HUNK: variants seen among roughly 807,000 people sequenced by gnomAD.
HUNK encodes hormonally up-regulated Neu-associated kinase, also known as hormonally up-regulated neu tumor-associated kinase.
In HUNK, 21 loss-of-function variants were observed where a neutral mutation model predicts 61.0. The observed-to-expected ratio is 0.34, with a 90% CI of 0.24 to 0.50. The LOEUF is 0.50. Ranked by LOEUF, HUNK falls within the 20% of genes least tolerant of loss-of-function variation. HUNK has a pLI of 0.98. For missense variants in HUNK, 772 were observed against 945.7 expected (o/e 0.82, Z 2.41); for synonymous variants, 371 against 386.1 (o/e 0.96, Z 0.46).
intron 1 of HUNK, among the ~76,000 whole-genome samples, chr21:31,880,253 G>A (rs964921968): frequency 4.6e-5 from 7 of 152,182 alleles, no homozygotes; most frequent in Non-Finnish European, 1.0e-4. Flanking sequence ...CCTTGATTAC[G>A]TAGAAGGGTG....
intron 5 of HUNK, among the ~76,000 whole-genome samples, chr21:31,964,921 A>C (rs571585563): frequency 6.6e-5 from 10 of 152,282 alleles, no homozygotes; most frequent in African/African-American, 1.7e-4. Context: ...CTTTTGAGGC[A>C]ACCCTGGGTT....
chr21:31,975,367 T>C (rs2053041435), intron 7 of HUNK, among the ~76,000 whole-genome samples: 1 of 152,242 alleles, frequency 6.6e-6, no homozygotes, highest in African/African-American at 2.4e-5. Context: ...AGAGAATTTA[T>C]GTGCCTTAAA....
intron 7 of HUNK, among the ~76,000 whole-genome samples, chr21:31,974,986 T>C (rs1002631170): frequency 6.6e-6 from 1 of 151,628 alleles, no homozygotes; most frequent in African/African-American, 2.4e-5. Flanking sequence ...TTCAACAGCA[T>C]CTCTGTTGTC....
Position 31,913,219 on chromosome 21 carries a change from C to A in HUNK, c.262-11249C>A, listed in dbSNP as rs188971376. On this transcript the variant is annotated intron_variant, in intron 1 of 10. Coordinates refer to ENST00000270112, the MANE Select transcript of HUNK (RefSeq NM_014586.2). Reference sequence around the variant, plus strand: ...CTGGAGAGGCCCGGAGTGACCCCAGCCAGTCTGGATGGGGAAGCAAACTGT... The same window carrying A: ...CTGGAGAGGCCCGGAGTGACCCCAGACAGTCTGGATGGGGAAGCAAACTGT... Among the ~76,000 whole-genome samples, 626 of 152,136 alleles carry A rather than the reference C, an allele frequency of 4.1e-3. 1 individual carries two copies. Among genetic ancestry groups the A allele is most frequent in the African/African-American group, 0.014 (580 of 41,494 alleles).
chr21:31,924,655 A>G lies in HUNK; in HGVS notation c.449A>G (p.His150Arg), dbSNP rs1210288324. ...CTGTGCCCTGGGGGCAACCTGATGCACAAGATCTATGAGAAGAAGCGGCTG... is the reference window on the plus strand; with the variant it reads ...CTGTGCCCTGGGGGCAACCTGATGCGCAAGATCTATGAGAAGAAGCGGCTG... ...MELCPGGNLMHKIYEKKRLEE... is the reference protein window; with the variant it reads ...MELCPGGNLMRKIYEKKRLEE... The change falls in exon 2 of 11, where the codon CAC (histidine) becomes CGC (arginine). Residue 150 changes from histidine (H) to arginine (R), a missense_variant. His to Arg is a conservative substitution (Grantham distance 29). Coordinates refer to ENST00000270112, the MANE Select transcript of HUNK (RefSeq NM_014586.2). The surrounding 1 kb of genome is among the most constrained non-coding windows in gnomAD (Gnocchi z 5.1). 1.2e-6 allele frequency: 2 copies of G among 1,614,188 alleles called. No individual in the cohort carries two copies. The highest frequency in any genetic ancestry group is 1.7e-5 in the Admixed American group (1 of 60,016).
rs545153130 is a variant in HUNK at position 31,972,581 on chromosome 21, G to A, written c.1011-1974G>A. On this transcript the variant is annotated intron_variant, in intron 6 of 10. Coordinates refer to ENST00000270112, the MANE Select transcript of HUNK (RefSeq NM_014586.2). Reference sequence around the variant, plus strand: ...TTCTTCCAGAACACCCCATACCCTCGGCGGGTGCACTGCTCTTGGGATTCC... The same window carrying A: ...TTCTTCCAGAACACCCCATACCCTCAGCGGGTGCACTGCTCTTGGGATTCC... 3.3e-5 allele frequency among the ~76,000 whole-genome samples: 5 copies of A among 152,200 alleles called. No individual in the cohort carries two copies. The South Asian group carries it at 6.2e-4, about 19-fold the overall frequency.
intron 6 of HUNK, among the ~76,000 whole-genome samples, chr21:31,968,761 A>T (rs1175127567): frequency 5.6e-5 from 8 of 143,060 alleles, no homozygotes; most frequent in African/African-American, 2.1e-4. Context: ...TGTGAGAGAG[A>T]GAGAGTGAGT....
intron 3 of HUNK, among the ~76,000 whole-genome samples, chr21:31,943,948 T>G (rs2052785400): frequency 6.6e-6 from 1 of 152,258 alleles, no homozygotes. Context: ...TGTGTTTATT[T>G]GATGGTGCTG....
At chr21:31,989,729 A>AAAT (rs1348041643) in intron 8 of HUNK, among the ~76,000 whole-genome samples, 3 of 151,336 alleles carry the variant, frequency 2.0e-5, no homozygotes. Context: ...AAAAAAAAAA[A>AAAT]AAAAGCCTGG....
intron 6 of HUNK, among the ~76,000 whole-genome samples, chr21:31,970,028 G>A (rs939687612): frequency 3.9e-5 from 6 of 152,140 alleles, no homozygotes; most frequent in Non-Finnish European, 7.4e-5. Context: ...TTCAGACCTA[G>A]GGTGGCTTGC....
chr21:31,918,552 T>C (rs2052600996), intron 1 of HUNK, among the ~76,000 whole-genome samples: 1 of 152,196 alleles, frequency 6.6e-6, no homozygotes, highest in African/African-American at 2.4e-5. Flanking sequence ...GGGCCACGCT[T>C]CCTCCAGAGA....
intron 7 of HUNK, among the ~76,000 whole-genome samples, chr21:31,981,937 C>G (rs1429507229): frequency 2.0e-5 from 3 of 151,676 alleles, no homozygotes; most frequent in African/African-American, 7.3e-5. Context: ...TTCTGGGGTA[C>G]ATGTTTAGGA....
intron 1 of HUNK, among the ~76,000 whole-genome samples, chr21:31,880,338 T>C (rs1568914807): frequency 6.6e-6 from 1 of 152,232 alleles, no homozygotes; most frequent in Non-Finnish European, 1.5e-5. Context: ...ACACACTGTG[T>C]GGCTTCAACA....
At position 31,927,900 on chromosome 21, in the gene HUNK, G is replaced by A. The variant is rs536522298; in HGVS notation, c.554+3140G>A. On this transcript the variant is annotated intron_variant, in intron 2 of 10. Coordinates refer to ENST00000270112, the MANE Select transcript of HUNK (RefSeq NM_014586.2). Reference sequence around the variant, plus strand: ...AAGGTGAGAGCACCTCTTCACATACGTATTCTTAGTCATGCATGTTGTCAT... The same window carrying A: ...AAGGTGAGAGCACCTCTTCACATACATATTCTTAGTCATGCATGTTGTCAT... Among the ~76,000 whole-genome samples the A allele has an allele frequency of 1.8e-4, 27 of 152,232 alleles. No homozygotes were observed. The East Asian group carries it at 2.5e-3, about 14-fold the overall frequency.
At chr21:31,962,662 G>A (rs546486300) in intron 5 of HUNK, among the ~76,000 whole-genome samples, 3 of 152,364 alleles carry the variant, frequency 2.0e-5, no homozygotes, top group Admixed American at 1.3e-4. Flanking sequence ...GTCTTCACTT[G>A]TCAAGCATGA....
chr21:31,904,895 C>T (rs1429315869), intron 1 of HUNK, among the ~76,000 whole-genome samples: 1 of 151,978 alleles, frequency 6.6e-6, no homozygotes, highest in Non-Finnish European at 1.5e-5. Flanking sequence ...AGTTTGAGAC[C>T]AGCCTGGCCT....
intron 4 of HUNK, among the ~76,000 whole-genome samples, chr21:31,947,853 C>T (rs959600104): frequency 6.6e-6 from 1 of 152,136 alleles, no homozygotes; most frequent in Non-Finnish European, 1.5e-5. Context: ...AAGATATAGA[C>T]GAGAAAGACT....
chr21:31,944,143 A>G (rs981709486), intron 3 of HUNK, among the ~76,000 whole-genome samples: 7 of 152,186 alleles, frequency 4.6e-5, no homozygotes, highest in Non-Finnish European at 1.0e-4. Context: ...GCAGTGGCGC[A>G]GTCTTGGCTC....
chr21:31,933,522 C>T (rs775939157), intron 2 of HUNK, among the ~76,000 whole-genome samples: 4 of 152,008 alleles, frequency 2.6e-5, no homozygotes, highest in Non-Finnish European at 5.9e-5. Context: ...CAGTGGCTCA[C>T]GCCTGTAATC....
Sources: gnomAD v4.1 joint callset for allele counts (sites outside exome capture counted in the v4.1 genomes callset) on GRCh38, gnomAD v4.1.1 for gene constraint, Gnocchi (gnomAD v3.1) non-coding constraint, MANE v1.5 for transcripts, NCBI Gene and HGNC (gene_info 2026-07-23, HGNC 2026-07-21) for gene names.